The following C6 variants were observed in gnomAD, a reference collection of about 807,000 sequenced individuals.
C6 encodes complement component C6.
C6 carries 101 observed loss-of-function variants against 112.9 expected under a neutral mutation model. That is an observed-to-expected ratio of 0.89 (90% CI 0.76 to 1.06). The LOEUF is 1.06. Among genes scored for constraint, C6 ranks in the 50% least tolerant of loss-of-function variants. C6 has a pLI of 0.00. For synonymous variants in C6, 431 were observed against 384.1 expected (o/e 1.12, Z -1.43); for missense variants, 1,202 against 1,104.6 (o/e 1.09, Z -1.25).
intron 1 of C6, among the ~76,000 whole-genome samples, chr5:41,225,319 GT>G (rs70988837): frequency 0.88 from 133,384 of 151,208 alleles, 58,955 homozygotes; most frequent in Admixed American, 0.93. Flanking sequence ...TGCAGTGTTT[GT>G]TTTTTTTTGT....
chr5:41,247,236 G>A (rs1426196742), intron 1 of C6, among the ~76,000 whole-genome samples: 2 of 152,058 alleles, frequency 1.3e-5, no homozygotes, highest in Non-Finnish European at 2.9e-5. Flanking sequence ...AATAGGAAAA[G>A]AAGAAGTCAA....
At chr5:41,200,958 C>T (rs756888371) in intron 3 of C6, among the ~76,000 whole-genome samples, 7 of 130,956 alleles carry the variant, frequency 5.3e-5, no homozygotes. Context: ...ACCTAAAATC[C>T]AAAATGCTCC....
intron 9 of C6, among the ~76,000 whole-genome samples, chr5:41,166,028 G>C (rs1191129704): frequency 6.6e-6 from 1 of 152,026 alleles, no homozygotes; most frequent in Non-Finnish European, 1.5e-5. Flanking sequence ...TTCTTGGCAA[G>C]GTATTTTAGG....
chr5:41,200,000 G>T, intron 3 of C6, 88 bp from the exon 4 acceptor site: 1 of 1,181,938 alleles, frequency 8.5e-7, no homozygotes, highest in Non-Finnish European at 1.3e-6. Context: ...AATCACAACA[G>T]TGATTTTTCC....
chr5:41,206,699 G>A (rs561064189), intron 1 of C6, among the ~76,000 whole-genome samples: 204 of 152,152 alleles, frequency 1.3e-3, no homozygotes, highest in African/African-American at 4.7e-3. Flanking sequence ...AGAAATGAAC[G>A]AAGCCTCCAA....
intron 1 of C6, 68 bp from the exon 2 acceptor site, chr5:41,203,318 A>G: frequency 6.7e-7 from 1 of 1,502,064 alleles, no homozygotes; most frequent in Non-Finnish European, 9.2e-7. Context: ...AGTCATCCTG[A>G]GTCAGAGATT....
At chr5:41,242,856 TGA>T (rs1740805830) in intron 1 of C6, among the ~76,000 whole-genome samples, 1 of 150,928 alleles carries the variant, frequency 6.6e-6, no homozygotes, top group African/African-American at 2.4e-5. Flanking sequence ...TAAATGGAAT[TGA>T]AAAACATTAT....
intron 7 of C6, among the ~76,000 whole-genome samples, chr5:41,179,318 C>T (rs1443785760): frequency 2.0e-5 from 3 of 152,166 alleles, no homozygotes; most frequent in Admixed American, 1.3e-4. Flanking sequence ...CGTTCTCTAG[C>T]ATGTTTGAAA....
chr5:41,214,478 C>A (rs1357296975), upstream of C6, among the ~76,000 whole-genome samples: 1 of 152,080 alleles, frequency 6.6e-6, no homozygotes, highest in African/African-American at 2.4e-5. Context: ...AACTGGAATA[C>A]AGATGATCTG....
intron 1 of C6, among the ~76,000 whole-genome samples, chr5:41,226,765 T>C (rs1472861222): frequency 6.6e-6 from 1 of 152,176 alleles, no homozygotes; most frequent in Non-Finnish European, 1.5e-5. Flanking sequence ...GGTTCATCCA[T>C]GTTGCCTCAA....
chr5:41,223,210 C>T (rs529714892), intron 1 of C6, among the ~76,000 whole-genome samples: 2 of 151,824 alleles, frequency 1.3e-5, no homozygotes, highest in South Asian at 4.2e-4. Context: ...GGCACTGGGG[C>T]GATATATGTC....
At chr5:41,220,376 A>G (rs1739089758) in intron 1 of C6, among the ~76,000 whole-genome samples, 1 of 152,162 alleles carries the variant, frequency 6.6e-6, no homozygotes, top group African/African-American at 2.4e-5. Flanking sequence ...GAGGAATTTG[A>G]GGTCTTCTGC....
chr5:41,230,600 A>G (rs944700581), intron 1 of C6, among the ~76,000 whole-genome samples: 1 of 152,144 alleles, frequency 6.6e-6, no homozygotes, highest in African/African-American at 2.4e-5. Flanking sequence ...GCACAGCAGG[A>G]CATAGACCCT....
chr5:41,248,954 T>C (rs1741180954), intron 1 of C6, among the ~76,000 whole-genome samples: 1 of 152,124 alleles, frequency 6.6e-6, no homozygotes, highest in Admixed American at 6.6e-5. Context: ...ATATATACAC[T>C]GTGGAATACT....
chr5:41,214,685 C>A (rs1282026391), upstream of C6, among the ~76,000 whole-genome samples: 4 of 152,122 alleles, frequency 2.6e-5, no homozygotes, highest in East Asian at 5.8e-4. Flanking sequence ...GAATATATGT[C>A]ATTTAATTTG....
intron 15 of C6, among the ~76,000 whole-genome samples, chr5:41,153,391 A>G (rs1746595035): frequency 6.6e-6 from 1 of 152,206 alleles, no homozygotes; most frequent in African/African-American, 2.4e-5. Context: ...TAAAGATCCT[A>G]ACTTTCTGAA....
At chr5:41,236,505 A>G (rs1384841911) in intron 1 of C6, among the ~76,000 whole-genome samples, 1 of 141,948 alleles carries the variant, frequency 7.0e-6, no homozygotes, top group African/African-American at 2.7e-5. Flanking sequence ...GAAGGCAGAA[A>G]TAAAGATGTT....
At chr5:41,254,005 T>C (rs765440478) in intron 1 of C6, among the ~76,000 whole-genome samples, 1 of 152,228 alleles carries the variant, frequency 6.6e-6, no homozygotes, top group Admixed American at 6.5e-5. Context: ...TTTCACACAG[T>C]TGGCCTTATT....
intron 1 of C6, among the ~76,000 whole-genome samples, chr5:41,250,540 G>C (rs891515885): frequency 6.6e-6 from 1 of 152,214 alleles, no homozygotes; most frequent in Non-Finnish European, 1.5e-5. Flanking sequence ...GAACTGACCT[G>C]AAGTACATCA....
Sources: allele counts gnomAD v4.1 joint callset (sites outside exome capture counted in the v4.1 genomes callset), GRCh38; gene constraint gnomAD v4.1.1; transcripts MANE v1.5; gene names NCBI Gene and HGNC (gene_info 2026-07-23, HGNC 2026-07-21).